The following TAFA1 variants were observed in gnomAD, a reference collection of about 807,000 sequenced individuals.
TAFA1 encodes the protein TAFA chemokine like family member 1, also known as chemokine-like protein TAFA-1.
Under a neutral mutation model 18.5 loss-of-function variants are expected in TAFA1, and 4 were observed. The observed-to-expected ratio is 0.22, with a 90% CI of 0.11 to 0.49. The LOEUF is 0.49. TAFA1 is among the 20% of genes least tolerant of loss of function. The probability of loss-of-function intolerance (pLI) is 0.98; values close to 1 mark genes in which losing one functional copy is unlikely to be tolerated. For synonymous variants in TAFA1, 56 were observed against 55.2 expected (o/e 1.01, Z -0.06); for missense variants, 147 against 169.0 (o/e 0.87, Z 0.72).
At chr3:68,034,280 A>G (rs1288927976) in intron 2 of TAFA1, among the ~76,000 whole-genome samples, 11 of 152,158 alleles carry the variant, frequency 7.2e-5, no homozygotes, top group African/African-American at 2.7e-4. Flanking sequence ...GATAATGACA[A>G]ATGTAAACAT....
chr3:68,284,241 G>A (rs1462183318), intron 2 of TAFA1, among the ~76,000 whole-genome samples: 6 of 152,110 alleles, frequency 3.9e-5, no homozygotes, highest in African/African-American at 7.2e-5. Flanking sequence ...TCTGAAAGTT[G>A]TTGGGTTATT....
chr3:68,220,558 C>A (rs539595499), intron 2 of TAFA1, among the ~76,000 whole-genome samples: 1 of 152,166 alleles, frequency 6.6e-6, no homozygotes, highest in South Asian at 2.1e-4. Context: ...ATTTACAGCT[C>A]TGTCCAATCT....
At chr3:68,320,879 T>A (rs1003906199) in intron 2 of TAFA1, among the ~76,000 whole-genome samples, 1 of 152,154 alleles carries the variant, frequency 6.6e-6, no homozygotes, top group Non-Finnish European at 1.5e-5. Context: ...TGGTCTGCAG[T>A]CAGATAGACT....
At chr3:68,159,025 C>T (rs565129455) in intron 2 of TAFA1, among the ~76,000 whole-genome samples, 1 of 152,186 alleles carries the variant, frequency 6.6e-6, no homozygotes, top group African/African-American at 2.4e-5. Context: ...ATGCCAACCA[C>T]ATTACAAGCA....
rs535399702 is a variant in TAFA1, at chr3:68,112,055, C to G, written c.118+105311C>G. On this transcript the variant is annotated intron_variant, in intron 2 of 4. Coordinates refer to ENST00000478136, the MANE Select transcript of TAFA1 (RefSeq NM_213609.4). ...ACTTCTGTCCATTGCATCTTGGTAT[C>G]AGAGTCACCAATGAAAATAACACAG... is the stretch of plus-strand genomic sequence containing the variant. Among the ~76,000 whole-genome samples, 263 of 150,880 alleles carry G rather than the reference C, an allele frequency of 1.7e-3. 1 individual carries two copies. Among genetic ancestry groups the G allele is most frequent in the Admixed American group, 3.8e-3 (57 of 15,016 alleles).
intron 2 of TAFA1, among the ~76,000 whole-genome samples, chr3:68,342,188 C>A (rs964520083): frequency 1.8e-4 from 27 of 152,182 alleles, no homozygotes; most frequent in African/African-American, 6.5e-4. Context: ...AAAGATACCC[C>A]TGTCCTCCAA....
intron 2 of TAFA1, among the ~76,000 whole-genome samples, chr3:68,120,080 T>C (rs192476689): frequency 1.7e-3 from 266 of 152,310 alleles, no homozygotes; most frequent in African/African-American, 5.9e-3. Context: ...TAAAAAATAC[T>C]CAAGTGGTCC....
chr3:68,450,451 G>C (rs746834379), intron 3 of TAFA1, among the ~76,000 whole-genome samples: 1 of 152,186 alleles, frequency 6.6e-6, no homozygotes, highest in Non-Finnish European at 1.5e-5. Context: ...CAGTCTGTTG[G>C]TAAGTGAAGC....
chr3:68,522,750 G>A (rs2073047083), intron 3 of TAFA1, among the ~76,000 whole-genome samples: 1 of 152,118 alleles, frequency 6.6e-6, no homozygotes, highest in African/African-American at 2.4e-5. Flanking sequence ...TCTGGAGGCT[G>A]AGGCAGGAGA....
rs545260192 is a variant in TAFA1, at chr3:68,167,497, G to A, written c.118+160753G>A. On this transcript the variant is annotated intron_variant, in intron 2 of 4. Transcript: ENST00000478136. ...GAGGCTGAGGCAGGAGAATGGCCTGGACCTGGGAGGCGGAGCTTGTAGTGA... is the reference window on the plus strand; with the variant it reads ...GAGGCTGAGGCAGGAGAATGGCCTGAACCTGGGAGGCGGAGCTTGTAGTGA... Among the ~76,000 whole-genome samples, 1,104 of 150,984 alleles carry A rather than the reference G, an allele frequency of 7.3e-3. 4 individuals carry two copies. Among genetic ancestry groups the A allele is most frequent in the Non-Finnish European group, 0.012 (798 of 67,842 alleles).
chr3:68,126,803 A>T (rs564815026), intron 2 of TAFA1, among the ~76,000 whole-genome samples: 2 of 152,138 alleles, frequency 1.3e-5, no homozygotes, highest in African/African-American at 4.8e-5. Flanking sequence ...TAACAACACA[A>T]CAGGCCTCCT....
chr3:68,383,931 T>C (rs1161382551), intron 2 of TAFA1, among the ~76,000 whole-genome samples: 1 of 152,166 alleles, frequency 6.6e-6, no homozygotes, highest in Non-Finnish European at 1.5e-5. Flanking sequence ...CAGGAATTTA[T>C]TCATTTCTTC....
chr3:68,301,892 TG>T (rs1386623999), intron 2 of TAFA1, among the ~76,000 whole-genome samples: 1 of 152,222 alleles, frequency 6.6e-6, no homozygotes, highest in African/African-American at 2.4e-5. Flanking sequence ...GAATATATTT[TG>T]TTTTGGTAAG....
intron 2 of TAFA1, among the ~76,000 whole-genome samples, chr3:68,385,819 T>C (rs939302602): frequency 1.3e-5 from 2 of 152,118 alleles, no homozygotes; most frequent in Admixed American, 1.3e-4. Flanking sequence ...AATACAATTG[T>C]ACGTATTTAT....
At chr3:68,071,328 T>G (rs951973963) in intron 2 of TAFA1, among the ~76,000 whole-genome samples, 23 of 152,160 alleles carry the variant, frequency 1.5e-4, no homozygotes, top group Non-Finnish European at 3.2e-4. Context: ...TTTTTCACTA[T>G]CATGAGAACA....
chr3:68,034,679 G>A (rs1030022888), intron 2 of TAFA1, among the ~76,000 whole-genome samples: 2 of 152,172 alleles, frequency 1.3e-5, no homozygotes, highest in East Asian at 3.9e-4. Context: ...CTTGCTTGGT[G>A]AGGAGGAACA....
At chr3:68,359,807 A>C (rs558919769) in intron 2 of TAFA1, among the ~76,000 whole-genome samples, 1 of 152,008 alleles carries the variant, frequency 6.6e-6, no homozygotes, top group Non-Finnish European at 1.5e-5. Flanking sequence ...AGTTTATTTC[A>C]CTGTCAAAAC....
intron 2 of TAFA1, among the ~76,000 whole-genome samples, chr3:68,141,979 C>T (rs914140882): frequency 1.3e-5 from 2 of 152,130 alleles, no homozygotes; most frequent in African/African-American, 4.8e-5. Flanking sequence ...TTCTTGTGAG[C>T]ACTTGGCATG....
At chr3:68,096,820 C>T (rs965805836) in intron 2 of TAFA1, among the ~76,000 whole-genome samples, 1 of 152,068 alleles carries the variant, frequency 6.6e-6, no homozygotes, top group Non-Finnish European at 1.5e-5. Context: ...GAATTAGAAT[C>T]GCAAAGCACT....
Sources: gnomAD v4.1 joint callset for allele counts (sites outside exome capture counted in the v4.1 genomes callset) on GRCh38, gnomAD v4.1.1 for gene constraint, MANE v1.5 for transcripts, NCBI Gene and HGNC (gene_info 2026-07-23, HGNC 2026-07-21) for gene names.